Variants in SLC15A1 observed in about 807,000 individuals in gnomAD.
SLC15A1 encodes Caco-2 oligopeptide transporter.
Under a neutral mutation model 92.9 loss-of-function variants are expected in SLC15A1, and 83 were observed. That is an observed-to-expected ratio of 0.89 (90% CI 0.75 to 1.07). SLC15A1 has a LOEUF of 1.07. SLC15A1 is among the 50% of genes least tolerant of loss of function. The pLI is 0.00. For missense variants in SLC15A1, 857 were observed against 880.1 expected, an observed-to-expected ratio of 0.97 and a Z score of 0.33; for synonymous variants, 322 against 318.2, an observed-to-expected ratio of 1.01 and a Z score of -0.13.
intron 1 of SLC15A1, among the ~76,000 whole-genome samples, chr13:98,730,988 C>A (rs910949761): frequency 3.0e-4 from 46 of 152,334 alleles, no homozygotes; most frequent in African/African-American, 1.1e-3. Flanking sequence ...GGTGCCCTCC[C>A]TGCAAGGTCA....
intron 1 of SLC15A1, among the ~76,000 whole-genome samples, chr13:98,737,626 T>C (rs2088405106): frequency 6.6e-6 from 1 of 152,192 alleles, no homozygotes. Context: ...CAGAATCAGA[T>C]GCTGCCATGC....
chr13:98,735,402 A>T (rs1015508031), intron 1 of SLC15A1, among the ~76,000 whole-genome samples: 6 of 152,196 alleles, frequency 3.9e-5, no homozygotes, highest in Admixed American at 3.9e-4. Context: ...CAACAACTGG[A>T]AGCAGTCCCT....
At chr13:98,735,702 C>A (rs1352483528) in intron 1 of SLC15A1, among the ~76,000 whole-genome samples, 4 of 152,072 alleles carry the variant, frequency 2.6e-5, no homozygotes, top group Admixed American at 2.6e-4. Flanking sequence ...CAATAACAGA[C>A]AAACAGAGAG....
At chr13:98,717,490 T>C (rs192244977) in intron 8 of SLC15A1, among the ~76,000 whole-genome samples, 1 of 152,344 alleles carries the variant, frequency 6.6e-6, no homozygotes, top group East Asian at 1.9e-4. Flanking sequence ...GAGGAATGAC[T>C]TGTACAGATG....
chr13:98,713,396 T>C (rs965252844), intron 9 of SLC15A1, among the ~76,000 whole-genome samples: 4 of 152,158 alleles, frequency 2.6e-5, no homozygotes, highest in African/African-American at 9.7e-5. Context: ...TTATTAGAAA[T>C]ACTTGATCTG....
rs1480965018 is a variant in SLC15A1, at chr13:98,709,598, G to T, written c.1041C>A (p.Leu347=). ...TGAAATTGAAGCCACATTTTGCAAT[G>T]AGAGGGTACAGCACAGCATCGAAGA... ...VPIFDAVLYP[L]IAKCGFNFTS... Residue 347 remains leucine (L), a synonymous_variant, in exon 14 of 23, where the codon CTC becomes CTA. Coordinates refer to ENST00000376503, the MANE Select transcript of SLC15A1 (RefSeq NM_005073.4). 2.5e-6 allele frequency: 4 copies of T among 1,614,060 alleles called. No individual in the cohort carries two copies. Among genetic ancestry groups the T allele is most frequent in the Non-Finnish European group, 3.4e-6 (4 of 1,180,050 alleles).
At chr13:98,735,606 C>A (rs566402233) in intron 1 of SLC15A1, among the ~76,000 whole-genome samples, 34 of 152,284 alleles carry the variant, frequency 2.2e-4, no homozygotes, top group Admixed American at 4.6e-4. Context: ...AGTCTCAGCC[C>A]AAAATCTCCT....
intron 17 of SLC15A1, among the ~76,000 whole-genome samples, chr13:98,703,066 C>T (rs1253451768): frequency 1.3e-5 from 2 of 149,132 alleles, no homozygotes; most frequent in Admixed American, 6.8e-5. Context: ...GGAAGGATCT[C>T]TTGGGGCCAA....
intron 1 of SLC15A1, among the ~76,000 whole-genome samples, chr13:98,739,490 C>T (rs1340458682): frequency 1.3e-5 from 2 of 152,274 alleles, no homozygotes; most frequent in Admixed American, 1.3e-4. Context: ...TGGTTTAGCA[C>T]CCTCTCCCTT....
Position 98,687,678 on chromosome 13 carries a change from T to A in SLC15A1, c.1730A>T (p.Asn577Ile). ...GATTTGCAGAGCCATGTTAACTGTG[T>A]TGGCTGAAATATCTTCAAACACCTT... ...EVKVFEDISA[N>I]TVNMALQIPQ... is the part of the protein sequence containing the mutation. The change falls in exon 21 of 23, where the codon AAC (asparagine) becomes ATC (isoleucine). Residue 577 changes from asparagine to isoleucine, a missense_variant. Physicochemically the swap from Asn to Ile is moderately radical, Grantham distance 149 (BLOSUM62 -3). Coordinates refer to ENST00000376503, the MANE Select transcript of SLC15A1 (RefSeq NM_005073.4). 1 of 1,614,152 alleles carries A rather than the reference T, an allele frequency of 6.2e-7. No individual in the cohort carries two copies. The highest frequency in any genetic ancestry group is 2.2e-5 in the East Asian group (1 of 44,886).
chr13:98,711,795 G>T, intron 11 of SLC15A1, 59 bp downstream of exon 11: 1 of 1,237,812 alleles, frequency 8.1e-7, no homozygotes, highest in Non-Finnish European at 1.2e-6. Context: ...CTTGGTACCT[G>T]GCAGTGCGGG....
chr13:98,708,670 C>A lies in SLC15A1; in HGVS notation c.1149+16G>T. ...TCCACCAGGAAAGGACATGGGAGAACCAGGGGACAACTCACATCGATTTCC... is the reference window on the plus strand; with the variant it reads ...TCCACCAGGAAAGGACATGGGAGAAACAGGGGACAACTCACATCGATTTCC... On this transcript the variant is annotated intron_variant, in intron 15 of 22. Coordinates refer to ENST00000376503, the MANE Select transcript of SLC15A1 (RefSeq NM_005073.4). 6.2e-7 allele frequency: 1 copy of A among 1,608,492 alleles called. No homozygotes were observed. Among genetic ancestry groups the A allele is most frequent in the Non-Finnish European group, 8.5e-7 (1 of 1,176,638 alleles).
intron 1 of SLC15A1, among the ~76,000 whole-genome samples, chr13:98,751,157 A>C (rs61970130): frequency 6.2e-4 from 95 of 152,322 alleles, no homozygotes; most frequent in South Asian, 2.3e-3. Flanking sequence ...TTGAAAAGTT[A>C]GGACTTCAGT....
intron 22 of SLC15A1, among the ~76,000 whole-genome samples, chr13:98,685,585 A>G (rs139365219): frequency 2.4e-4 from 36 of 152,358 alleles, no homozygotes; most frequent in African/African-American, 8.2e-4. Flanking sequence ...CATTCACTGA[A>G]GCTAGGAGAG....
At chr13:98,746,757 C>T (rs1043764783) in intron 1 of SLC15A1, among the ~76,000 whole-genome samples, 14 of 152,120 alleles carry the variant, frequency 9.2e-5, no homozygotes, top group African/African-American at 3.4e-4. Flanking sequence ...CCTGTTGTTC[C>T]ATATCCCCAC....
chr13:98,693,917 C>T (rs2088002190), intron 18 of SLC15A1, among the ~76,000 whole-genome samples: 2 of 152,204 alleles, frequency 1.3e-5, no homozygotes, highest in African/African-American at 4.8e-5. Flanking sequence ...AATTTTACAA[C>T]CCTGTGTCAC....
At chr13:98,717,871 C>T (rs2088223060) in intron 8 of SLC15A1, among the ~76,000 whole-genome samples, 1 of 152,114 alleles carries the variant, frequency 6.6e-6, no homozygotes, top group Admixed American at 6.6e-5. Flanking sequence ...GTTGAGGTGG[C>T]CGCTGGGCTG....
intron 18 of SLC15A1, among the ~76,000 whole-genome samples, chr13:98,700,484 CAAA>C (rs56342746): frequency 7.9e-5 from 4 of 50,904 alleles, no homozygotes; most frequent in African/African-American, 1.9e-4. Flanking sequence ...GACCCTGTCT[CAAA>C]AAAAAAAAAA....
intron 7 of SLC15A1, 66 bp downstream of exon 7, chr13:98,721,429 G>T: frequency 9.0e-7 from 1 of 1,106,968 alleles, no homozygotes; most frequent in South Asian, 1.3e-5. Flanking sequence ...AGAACAAAAC[G>T]AAGAAGACAC....
Sources: gnomAD v4.1 joint callset for allele counts (sites outside exome capture counted in the v4.1 genomes callset) on GRCh38, gnomAD v4.1.1 for gene constraint, MANE v1.5 for transcripts, NCBI Gene and HGNC (gene_info 2026-07-23, HGNC 2026-07-21) for gene names.